The following AKR1D1 variants were observed in gnomAD, a reference collection of about 807,000 sequenced individuals.
AKR1D1 encodes aldo-keto reductase family 1 member D1.
A neutral mutation model predicts 42.6 loss-of-function variants in AKR1D1; 32 were observed. The ratio of observed to expected loss-of-function variants is 0.75; its 90% CI spans 0.57 to 1.01. AKR1D1 has a LOEUF of 1.01. Ranked by LOEUF, AKR1D1 falls within the 50% of genes least tolerant of loss-of-function variation. AKR1D1 has a pLI of 0.00. For synonymous variants in AKR1D1, 123 were observed against 135.5 expected (o/e 0.91, Z 0.64); for missense variants, 364 against 402.2 (o/e 0.91, Z 0.81).
chr7:138,091,977 C>A (rs1294771975), intron 3 of AKR1D1, 93 bp downstream of exon 3: 1 of 736,832 alleles, frequency 1.4e-6, no homozygotes, highest in South Asian at 1.5e-5. Context: ...GAGCCAATAG[C>A]TATGTGCATG....
At chr7:138,087,905 T>C (rs1441120502) in intron 1 of AKR1D1, among the ~76,000 whole-genome samples, 1 of 151,882 alleles carries the variant, frequency 6.6e-6, no homozygotes, top group Non-Finnish European at 1.5e-5. Context: ...TTTTTTTTTT[T>C]TTTGAGACAG....
At chr7:138,089,568 G>T (rs1250171419) in intron 2 of AKR1D1, among the ~76,000 whole-genome samples, 2 of 152,020 alleles carry the variant, frequency 1.3e-5, no homozygotes, top group African/African-American at 4.8e-5. Context: ...CTATGATAGA[G>T]GCTAAAGTTA....
chr7:138,088,076 A>C (rs1323366077), intron 1 of AKR1D1, among the ~76,000 whole-genome samples: 1 of 152,028 alleles, frequency 6.6e-6, no homozygotes, highest in Non-Finnish European at 1.5e-5. Context: ...CTTTTTGTAC[A>C]GATGGGGTCT....
intron 4 of AKR1D1, among the ~76,000 whole-genome samples, chr7:138,104,400 G>A (rs538764034): frequency 6.6e-5 from 10 of 151,922 alleles, no homozygotes; most frequent in Admixed American, 3.3e-4. Flanking sequence ...ATACCAGAAT[G>A]TTTATAAAAA....
chr7:138,112,060 G>T (rs1794546846), intron 7 of AKR1D1, among the ~76,000 whole-genome samples: 1 of 151,724 alleles, frequency 6.6e-6, no homozygotes, highest in Non-Finnish European at 1.5e-5. Flanking sequence ...CTTTGAAAAA[G>T]ATCATACCTA....
chr7:138,086,603 C>T (rs1489005463), intron 1 of AKR1D1, among the ~76,000 whole-genome samples: 1 of 152,164 alleles, frequency 6.6e-6, no homozygotes, highest in Admixed American at 6.5e-5. Flanking sequence ...GTCCCCAAGG[C>T]TTTCTATATC....
rs75183676 is a variant in AKR1D1, at chr7:138,089,684, G to A, written c.261+916G>A. On this transcript the variant is annotated intron_variant, in intron 2 of 8. Coordinates refer to ENST00000242375, the MANE Select transcript of AKR1D1 (RefSeq NM_005989.4). ...TGTGAATAGAAAGCAATATTTATACGTATACAATGTCAATATGGGCTGTAT... is the reference window on the plus strand; with the variant it reads ...TGTGAATAGAAAGCAATATTTATACATATACAATGTCAATATGGGCTGTAT... Among the ~76,000 whole-genome samples the A allele has an allele frequency of 2.3e-3, 352 of 152,224 alleles. 3 individuals are homozygous for A. Among genetic ancestry groups the A allele is most frequent in the African/African-American group, 8.0e-3 (331 of 41,536 alleles).
At chr7:138,101,191 C>CCCTTCCTTCCTT (rs1222751373) in intron 4 of AKR1D1, among the ~76,000 whole-genome samples, 16 of 20,580 alleles carry the variant, frequency 7.8e-4, no homozygotes, top group African/African-American at 1.8e-3. Context: ...CTCCCTCCCT[C>CCCTTCCTTCCTT]CCTTCCTTCC....
intron 3 of AKR1D1, among the ~76,000 whole-genome samples, chr7:138,094,957 A>G (rs978078853): frequency 1.2e-4 from 19 of 152,234 alleles, no homozygotes; most frequent in African/African-American, 4.6e-4. Context: ...GACATGTTTA[A>G]AAGATAAATG....
At chr7:138,100,435 G>A (rs1794274101) in intron 4 of AKR1D1, among the ~76,000 whole-genome samples, 1 of 151,930 alleles carries the variant, frequency 6.6e-6, no homozygotes, top group Non-Finnish European at 1.5e-5. Flanking sequence ...CAGGTTAAAA[G>A]CAAAAGTCTT....
At chr7:138,102,891 C>T (rs1032154493) in intron 4 of AKR1D1, among the ~76,000 whole-genome samples, 1 of 151,926 alleles carries the variant, frequency 6.6e-6, no homozygotes, top group Non-Finnish European at 1.5e-5. Context: ...AGTTACATCA[C>T]AGACATTCTC....
chr7:138,081,279 C>T (rs1803050171), intron 1 of AKR1D1, among the ~76,000 whole-genome samples: 1 of 152,056 alleles, frequency 6.6e-6, no homozygotes, highest in Non-Finnish European at 1.5e-5. Flanking sequence ...TGTTAAGTCA[C>T]GTATCAGAAG....
chr7:138,105,319 T>C lies in AKR1D1; in HGVS notation c.469T>C (p.Cys157Arg). 1.2e-6 allele frequency: 2 copies of C among 1,614,168 alleles called. 1 individual carries two copies. Among genetic ancestry groups the C allele is most frequent in the South Asian group, 2.2e-5 (2 of 91,084 alleles). ...ATTTACTCTACAGGCGATGGAAGCT[T>C]GCAAAGACGCTGGCTTGGTGAAATC... Reference protein sequence around the residue: ...LCATWEAMEACKDAGLVKSLG... With the variant: ...LCATWEAMEARKDAGLVKSLG... Residue 157 changes from cysteine to arginine, a missense_variant, in exon 5 of 9, where the codon TGC becomes CGC. Physicochemically the swap from Cys to Arg is radical, Grantham distance 180 (BLOSUM62 -3). Coordinates refer to ENST00000242375, the MANE Select transcript of AKR1D1 (RefSeq NM_005989.4).
chr7:138,083,797 TG>T, intron 1 of AKR1D1, among the ~76,000 whole-genome samples: 1 of 152,358 alleles, frequency 6.6e-6, no homozygotes, highest in African/African-American at 2.4e-5. Context: ...TTCACTCTGA[TG>T]ACAGTTCCAA....
intron 8 of AKR1D1, among the ~76,000 whole-genome samples, chr7:138,115,746 G>A (rs986586154): frequency 6.6e-5 from 10 of 152,046 alleles, no homozygotes; most frequent in African/African-American, 2.4e-4. Context: ...TACAGTACAT[G>A]CAGAAAACTA....
At chr7:138,105,049 G>A (rs558668774) in intron 4 of AKR1D1, among the ~76,000 whole-genome samples, 12 of 152,226 alleles carry the variant, frequency 7.9e-5, no homozygotes, top group South Asian at 4.2e-4. Flanking sequence ...GTGAGCCATC[G>A]CGCCCTACCT....
At chr7:138,077,203 G>C (rs1450774591) in intron 1 of AKR1D1, among the ~76,000 whole-genome samples, 1 of 152,112 alleles carries the variant, frequency 6.6e-6, no homozygotes, top group Admixed American at 6.6e-5. Flanking sequence ...ACATACCCTA[G>C]AGACTGGGTA....
chr7:138,091,654 A>ACC lies in AKR1D1; in HGVS notation c.262-109_262-108dup, dbSNP rs200504986. The ACC allele has an allele frequency of 7.4e-5, 54 of 724,974 alleles. 1 individual carries two copies. Among genetic ancestry groups the ACC allele is most frequent in the Non-Finnish European group, 1.2e-4 (49 of 424,394 alleles). The allele number at this position is 724,974 out of a possible 1,614,324, so 44.9% of individuals were successfully genotyped here. ...AGACCAGCCTGGGCAACATAGTGAG[A>ACC]CCCCCCATCTCAAAAAAAAAAAATG... On this transcript the variant is annotated intron_variant, in intron 2 of 8. Transcript: ENST00000242375.
intron 8 of AKR1D1, among the ~76,000 whole-genome samples, chr7:138,116,230 A>G (rs1297772605): frequency 6.6e-6 from 1 of 152,134 alleles, no homozygotes; most frequent in East Asian, 1.9e-4. Flanking sequence ...CACTGGTAAT[A>G]AGAGTTTTGA....
Sources: gnomAD v4.1 joint callset for allele counts (sites outside exome capture counted in the v4.1 genomes callset) on GRCh38, gnomAD v4.1.1 for gene constraint, MANE v1.5 for transcripts, NCBI Gene and HGNC (gene_info 2026-07-23, HGNC 2026-07-21) for gene names.